APBA2: variants seen among roughly 807,000 people sequenced by gnomAD.
APBA2 encodes amyloid-beta A4 precursor protein-binding family A member 2.
A neutral mutation model predicts 75.0 loss-of-function variants in APBA2; 30 were observed. The ratio of observed to expected loss-of-function variants is 0.40; its 90% CI spans 0.30 to 0.54. The LOEUF (loss-of-function observed/expected upper bound fraction) is 0.54, where lower values mean the gene tolerates loss of function less well. Among genes scored for constraint, APBA2 ranks in the 20% least tolerant of loss-of-function variants. The probability of loss-of-function intolerance (pLI) is 0.49; values close to 1 mark genes in which losing one functional copy is unlikely to be tolerated. For missense variants in APBA2, 801 were observed against 1,016.1 expected, an observed-to-expected ratio of 0.79 and a Z score of 2.88; for synonymous variants, 444 against 409.6, an observed-to-expected ratio of 1.08 and a Z score of -1.01.
At chr15:29,110,630 G>T (rs2044676680) in intron 13 of APBA2, among the ~76,000 whole-genome samples, 1 of 152,206 alleles carries the variant, frequency 6.6e-6, no homozygotes, top group African/African-American at 2.4e-5. Flanking sequence ...AGGAGCACAG[G>T]AACTGGAGAA....
intron 3 of APBA2, among the ~76,000 whole-genome samples, chr15:29,013,658 C>A (rs2039516974): frequency 1.3e-5 from 2 of 152,306 alleles, no homozygotes; most frequent in Middle Eastern, 6.8e-3. Context: ...GGCTTCCACC[C>A]TCTCTTTAAG....
intron 2 of APBA2, among the ~76,000 whole-genome samples, chr15:28,975,431 T>A (rs1035200515): frequency 2.6e-5 from 4 of 152,198 alleles, no homozygotes; most frequent in Admixed American, 2.6e-4. Flanking sequence ...TAAAAATGGT[T>A]TTGAGACAAC....
intron 3 of APBA2, among the ~76,000 whole-genome samples, chr15:28,999,238 C>T (rs2038715112): frequency 6.6e-6 from 1 of 150,972 alleles, no homozygotes; most frequent in Non-Finnish European, 1.5e-5. Flanking sequence ...AGGTGGGAAA[C>T]ATACACACAT....
intron 2 of APBA2, among the ~76,000 whole-genome samples, chr15:28,930,063 G>GT (rs1203313003): frequency 6.6e-6 from 1 of 152,176 alleles, no homozygotes; most frequent in Non-Finnish European, 1.5e-5. Context: ...AAGGTGGAAG[G>GT]AGCTGAGTTG....
intron 3 of APBA2, among the ~76,000 whole-genome samples, chr15:29,011,563 GAC>G (rs1171662052): frequency 6.6e-6 from 1 of 152,112 alleles, no homozygotes; most frequent in African/African-American, 2.4e-5. Context: ...GATTAATTTT[GAC>G]AGACTATCCC....
Position 29,117,346 on chromosome 15 carries a change from T to C in APBA2, c.*213T>C. 1.7e-6 allele frequency: 1 copy of C among 600,830 alleles called. No individual in the cohort carries two copies. The highest frequency in any genetic ancestry group is 3.0e-6 in the Non-Finnish European group (1 of 337,276). 37.2% of individuals were successfully genotyped at this position (600,830 alleles called of 1,614,324 possible). On this transcript the variant is annotated 3_prime_UTR_variant, in exon 15 of 15. Coordinates refer to ENST00000683413, the MANE Select transcript of APBA2 (RefSeq NM_001353788.2). ...AAAGGAGAGTCACAGAACAAATGTT[T>C]GTTTGTAAAGCGTTCCAAGTATTTT...
At position 28,885,988 on chromosome 15, in the gene APBA2, G is replaced by T; in HGVS notation, c.-495G>T. ...TTTCCGGCCCCAGTGTGCCCGGCGC[G>T]GGTGAGGCGGAAGCGGCCGGGGCGG... On this transcript the variant is annotated 5_prime_UTR_variant, in exon 1 of 15. Transcript: ENST00000683413. 1 of 150,654 alleles carries T rather than the reference G, an allele frequency of 6.6e-6. No homozygotes were observed. Among genetic ancestry groups the T allele is most frequent in the Non-Finnish European group, 1.5e-5 (1 of 67,560 alleles). 9.3% of individuals were successfully genotyped at this position (150,654 alleles called of 1,614,324 possible). A position where few individuals can be genotyped will look rare whatever the true frequency, so the allele number is the denominator to read the frequency against.
intron 2 of APBA2, among the ~76,000 whole-genome samples, chr15:28,944,808 GGGA>G (rs2035448717): frequency 6.6e-6 from 1 of 152,224 alleles, no homozygotes. Context: ...TTTGTGGTTT[GGGA>G]TGAAGCCCTG....
At chr15:29,002,547 T>A (rs563860754) in intron 3 of APBA2, among the ~76,000 whole-genome samples, 3 of 151,954 alleles carry the variant, frequency 2.0e-5, no homozygotes, top group South Asian at 4.2e-4. Context: ...TCATTTGCCA[T>A]GTGCTGGTCT....
chr15:29,045,057 C>A (rs1454100369), intron 3 of APBA2, among the ~76,000 whole-genome samples: 1 of 142,444 alleles, frequency 7.0e-6, no homozygotes, highest in African/African-American at 2.9e-5. Flanking sequence ...TCCTCTCTCC[C>A]TCCCTCCCTC....
chr15:28,941,269 G>C (rs1273810851), intron 2 of APBA2, among the ~76,000 whole-genome samples: 1 of 152,144 alleles, frequency 6.6e-6, no homozygotes, highest in African/African-American at 2.4e-5. Flanking sequence ...GGGCGCTGGT[G>C]GCCCTGGGGC....
chr15:28,948,031 C>T (rs2035641741), intron 2 of APBA2, among the ~76,000 whole-genome samples: 1 of 152,174 alleles, frequency 6.6e-6, no homozygotes, highest in East Asian at 1.9e-4. Flanking sequence ...CAGTTCTCCA[C>T]CCCAGGGCCA....
At chr15:28,949,107 C>T (rs1308645910) in intron 2 of APBA2, among the ~76,000 whole-genome samples, 2 of 151,308 alleles carry the variant, frequency 1.3e-5, no homozygotes, top group South Asian at 2.1e-4. Flanking sequence ...GCTGGCTGAG[C>T]GTCATGGCAG....
At chr15:29,092,956 C>T in intron 6 of APBA2, 119 bp from the exon 7 acceptor site, 1 of 1,339,420 alleles carries the variant, frequency 7.5e-7, no homozygotes, top group East Asian at 2.3e-5. Flanking sequence ...AATGGTTGGG[C>T]CCTTCTAGTT....
chr15:28,953,248 C>A (rs566375585), intron 2 of APBA2, among the ~76,000 whole-genome samples: 117 of 152,260 alleles, frequency 7.7e-4, no homozygotes, highest in African/African-American at 2.8e-3. Context: ...CAAAAGTCAG[C>A]CCCTCCTTAT....
At chr15:29,115,750 C>T (rs1456788567) in intron 14 of APBA2, among the ~76,000 whole-genome samples, 1 of 152,158 alleles carries the variant, frequency 6.6e-6, no homozygotes, top group African/African-American at 2.4e-5. Context: ...TGGAGGAAGC[C>T]CCTGCCGGGA....
intron 2 of APBA2, chr15:28,961,458 C>T (rs2152738753): frequency 6.6e-6 from 1 of 152,004 alleles, no homozygotes; most frequent in South Asian, 2.1e-4. Context: ...GGAGGGTGAA[C>T]TGTGTGGGGC....
chr15:28,974,535 C>T (rs1340466232), intron 2 of APBA2, among the ~76,000 whole-genome samples: 1 of 152,104 alleles, frequency 6.6e-6, no homozygotes, highest in Non-Finnish European at 1.5e-5. Context: ...CATATATTAG[C>T]TTACAAAGAC....
chr15:29,110,510 A>T (rs1006879751), intron 13 of APBA2, among the ~76,000 whole-genome samples: 1 of 152,166 alleles, frequency 6.6e-6, no homozygotes, highest in Middle Eastern at 3.2e-3. Flanking sequence ...TTTCCCCACC[A>T]TGGGGTGGCC....
Sources: gnomAD v4.1 joint callset for allele counts (sites outside exome capture counted in the v4.1 genomes callset) on GRCh38, gnomAD v4.1.1 for gene constraint, MANE v1.5 for transcripts, NCBI Gene and HGNC (gene_info 2026-07-23, HGNC 2026-07-21) for gene names.